Variants in CCDC91 observed in about 807,000 individuals in gnomAD.
The protein encoded by CCDC91 is coiled-coil domain containing 91.
CCDC91 carries 48 observed loss-of-function variants against 63.2 expected under a neutral mutation model. That is an observed-to-expected ratio of 0.76 (90% CI 0.60 to 0.97). The LOEUF (loss-of-function observed/expected upper bound fraction) is 0.97, where lower values mean the gene tolerates loss of function less well. CCDC91 is among the 50% of genes least tolerant of loss of function. The pLI, the probability that CCDC91 is intolerant of heterozygous loss-of-function variation, is 0.00. For synonymous variants in CCDC91, 167 were observed against 165.8 expected, an observed-to-expected ratio of 1.01 and a Z score of -0.06; for missense variants, 500 against 494.6, an observed-to-expected ratio of 1.01 and a Z score of -0.10.
At chr12:28,402,520 A>AT (rs57398967) in intron 8 of CCDC91, among the ~76,000 whole-genome samples, 245 of 51,912 alleles carry the variant, frequency 4.7e-3, no homozygotes, top group Middle Eastern at 0.019. Context: ...AGTTCCAGGA[A>AT]TTTTTTTTTT....
intron 8 of CCDC91, among the ~76,000 whole-genome samples, chr12:28,424,240 TA>T (rs1334218827): frequency 1.3e-5 from 2 of 152,136 alleles, no homozygotes; most frequent in African/African-American, 2.4e-5. Flanking sequence ...CTAAATCCCA[TA>T]TTTTAAATAT....
intron 3 of CCDC91, among the ~76,000 whole-genome samples, chr12:28,305,346 A>G (rs1342453060): frequency 6.6e-6 from 1 of 152,032 alleles, no homozygotes; most frequent in African/African-American, 2.4e-5. Flanking sequence ...TATTTTCTCT[A>G]TGTTGGAAAT....
chr12:28,407,581 G>T (rs1947030733), intron 8 of CCDC91, among the ~76,000 whole-genome samples: 2 of 151,956 alleles, frequency 1.3e-5, no homozygotes, highest in South Asian at 4.2e-4. Context: ...GATATTTTAG[G>T]TTCTTTCCAT....
intron 3 of CCDC91, among the ~76,000 whole-genome samples, chr12:28,300,090 T>C (rs542911867): frequency 1.6e-4 from 24 of 151,636 alleles, no homozygotes; most frequent in Non-Finnish European, 3.6e-4. Context: ...TTAGTCAGTC[T>C]TTCCTTGTGT....
chr12:28,279,873 CTCTG>C (rs2136547323), intron 3 of CCDC91, among the ~76,000 whole-genome samples: 1 of 143,178 alleles, frequency 7.0e-6, no homozygotes, highest in South Asian at 2.2e-4. Context: ...TTTGTAATAT[CTCTG>C]TGTATATATA....
rs187681493 is a variant in CCDC91, at chr12:28,282,041, A to G, written c.109+22599A>G. 1.0e-3 allele frequency among the ~76,000 whole-genome samples: 157 copies of G among 152,330 alleles called. 1 individual carries two copies. Among genetic ancestry groups the G allele is most frequent in the African/African-American group, 3.4e-3 (142 of 41,588 alleles). On this transcript the variant is annotated intron_variant, in intron 3 of 12. Transcript: ENST00000536442. Reference sequence around the variant, plus strand: ...CTTCTGAATATCATAACTTAAAGGTAGAAATGTACATATATCTCAGGTAAA... The same window carrying G: ...CTTCTGAATATCATAACTTAAAGGTGGAAATGTACATATATCTCAGGTAAA...
chr12:28,526,138 T>A (rs1192089709), intron 12 of CCDC91, among the ~76,000 whole-genome samples: 1 of 152,122 alleles, frequency 6.6e-6, no homozygotes, highest in East Asian at 1.9e-4. Flanking sequence ...ATCATGCTAT[T>A]TGTTGCCTGT....
chr12:28,330,997 AT>A (rs1941456099), intron 6 of CCDC91, among the ~76,000 whole-genome samples: 1 of 152,132 alleles, frequency 6.6e-6, no homozygotes, highest in South Asian at 2.1e-4. Context: ...GCTCTTTTGG[AT>A]TTGTTTCATT....
intron 3 of CCDC91, among the ~76,000 whole-genome samples, chr12:28,275,081 C>T (rs907768893): frequency 6.6e-6 from 1 of 152,030 alleles, no homozygotes; most frequent in Admixed American, 6.6e-5. Flanking sequence ...AGAGCAAACA[C>T]ATTCAAAAGC....
intron 11 of CCDC91, among the ~76,000 whole-genome samples, chr12:28,476,027 G>A (rs1203928340): frequency 6.6e-6 from 1 of 151,898 alleles, no homozygotes; most frequent in African/African-American, 2.4e-5. Flanking sequence ...TAAAAAAACT[G>A]CATCCAATAC....
intron 12 of CCDC91, among the ~76,000 whole-genome samples, chr12:28,529,622 G>A (rs1341568205): frequency 6.6e-6 from 1 of 152,140 alleles, no homozygotes; most frequent in Non-Finnish European, 1.5e-5. Context: ...CCGAAGAAGC[G>A]CTTTGAGATG....
intron 8 of CCDC91, among the ~76,000 whole-genome samples, chr12:28,393,598 A>G (rs1355296547): frequency 6.6e-6 from 1 of 152,096 alleles, no homozygotes; most frequent in Non-Finnish European, 1.5e-5. Flanking sequence ...CTGTGCTTGG[A>G]GGCACTTTAT....
chr12:28,467,542 G>A lies in CCDC91; in HGVS notation c.1101+14888G>A, dbSNP rs1428395237. Among the ~76,000 whole-genome samples, 9 of 151,888 alleles carry A rather than the reference G, an allele frequency of 5.9e-5. No homozygotes were observed. In the South Asian group the frequency reaches 6.2e-4, roughly 11 times the overall value. On this transcript the variant is annotated intron_variant, in intron 11 of 12. Transcript: ENST00000536442. The stretch of plus-strand genomic sequence containing the variant: ...ACGTCAATAGCTCACCTTCAGTATT[G>A]GACACATCTTCCACAAGGAAATCAA...
At chr12:28,301,715 C>T (rs1938099581) in intron 3 of CCDC91, among the ~76,000 whole-genome samples, 1 of 150,840 alleles carries the variant, frequency 6.6e-6, no homozygotes, top group Non-Finnish European at 1.5e-5. Flanking sequence ...TGGGTAGTTG[C>T]CTATTTTTTT....
intron 1 of CCDC91, among the ~76,000 whole-genome samples, chr12:28,206,882 A>C (rs1179592149): frequency 1.3e-5 from 2 of 152,218 alleles, no homozygotes; most frequent in East Asian, 3.8e-4. Context: ...GGACCTAACA[A>C]ATGATGCCCT....
intron 8 of CCDC91, among the ~76,000 whole-genome samples, chr12:28,404,609 A>G (rs1014674640): frequency 3.3e-5 from 5 of 152,242 alleles, no homozygotes; most frequent in African/African-American, 1.2e-4. Flanking sequence ...TCCAACTTTA[A>G]TAATGAATTA....
intron 7 of CCDC91, among the ~76,000 whole-genome samples, chr12:28,383,181 G>A (rs753433646): frequency 3.4e-4 from 52 of 151,876 alleles, no homozygotes; most frequent in Non-Finnish European, 7.2e-4. Context: ...ATTTTCTTTG[G>A]CTTTCACAGC....
chr12:28,261,824 G>GGCACACACACACAT (rs1946839415), intron 3 of CCDC91, among the ~76,000 whole-genome samples: 1 of 151,400 alleles, frequency 6.6e-6, no homozygotes, highest in Admixed American at 6.6e-5. Flanking sequence ...CAAATCATCT[G>GGCACACACACACAT]GCACACACAC....
chr12:28,450,433 A>G lies in CCDC91; in HGVS notation c.924+15A>G, dbSNP rs1459235092. The stretch of plus-strand genomic sequence containing the variant: ...CCGCTGCAAAGGTATTTCCATCTGT[A>G]ATAGTGGGTTGCTTGTAAGTAAGTG... On this transcript the variant is annotated intron_variant, in intron 10 of 12. Transcript: ENST00000536442. 3.2e-6 allele frequency: 5 copies of G among 1,586,966 alleles called. No homozygotes were observed.
Sources: gnomAD v4.1 joint callset for allele counts (sites outside exome capture counted in the v4.1 genomes callset) on GRCh38, gnomAD v4.1.1 for gene constraint, MANE v1.5 for transcripts, NCBI Gene and HGNC (gene_info 2026-07-23, HGNC 2026-07-21) for gene names.